ZFP64: variants seen among roughly 807,000 people sequenced by gnomAD.
ZFP64 encodes zinc finger protein 64.
Under a neutral mutation model 51.6 loss-of-function variants are expected in ZFP64, and 14 were observed. The ratio of observed to expected loss-of-function variants is 0.27; its 90% CI spans 0.18 to 0.42. The LOEUF is 0.42. ZFP64 is among the 10% of genes least tolerant of loss of function. The pLI, the probability that ZFP64 is intolerant of heterozygous loss-of-function variation, is 1.00. For synonymous variants in ZFP64, 375 were observed against 361.4 expected, an observed-to-expected ratio of 1.04 and a Z score of -0.43; for missense variants, 754 against 906.8, an observed-to-expected ratio of 0.83 and a Z score of 2.16.
downstream of ZFP64, among the ~76,000 whole-genome samples, chr20:52,148,266 T>C (rs917430131): frequency 6.6e-6 from 1 of 152,202 alleles, no homozygotes; most frequent in African/African-American, 2.4e-5. Flanking sequence ...GAATCTCAGA[T>C]CTATAATCTT....
intron 5 of ZFP64, chr20:52,105,297 C>A: frequency 7.9e-7 from 1 of 1,265,634 alleles, no homozygotes; most frequent in Non-Finnish European, 9.9e-7. Flanking sequence ...ACAACGAATT[C>A]CCGGAGTTCG....
At chr20:52,111,249 G>C (rs1978560745) in intron 5 of ZFP64, among the ~76,000 whole-genome samples, 2 of 119,270 alleles carry the variant, frequency 1.7e-5, no homozygotes, top group Non-Finnish European at 3.2e-5. Context: ...TCTGAGTTTT[G>C]CTCGTTGCCC....
chr20:52,085,288 C>T lies in ZFP64; in HGVS notation c.1229-22G>A, dbSNP rs1316560903. 1 of 1,585,558 alleles carries T rather than the reference C, an allele frequency of 6.3e-7. No homozygotes were observed. Among genetic ancestry groups the T allele is most frequent in the South Asian group, 1.2e-5 (1 of 86,202 alleles). On this transcript the variant is annotated intron_variant, in intron 8 of 8. Transcript: ENST00000361387. This position sits in a 1 kb window ranked among gnomAD's most constrained non-coding sequence, Gnocchi z 4.3. Reference sequence around the variant, plus strand: ...TCCCCTAGCAATGGAAGGTGTGTTTCCATTAGAACAGGCAGGCAAAACAGA... The same window carrying T: ...TCCCCTAGCAATGGAAGGTGTGTTTTCATTAGAACAGGCAGGCAAAACAGA...
intron 5 of ZFP64, among the ~76,000 whole-genome samples, chr20:52,157,312 A>G (rs1342479934): frequency 6.6e-6 from 1 of 152,210 alleles, no homozygotes; most frequent in Non-Finnish European, 1.5e-5. Context: ...AACTGTGGGT[A>G]TGGCTTTTGG....
chr20:52,138,620 T>C (rs938644122), intron 5 of ZFP64, among the ~76,000 whole-genome samples: 1 of 151,418 alleles, frequency 6.6e-6, no homozygotes, highest in Non-Finnish European at 1.5e-5. Context: ...CTACAAACTT[T>C]ATATGCATCA....
At chr20:52,140,225 A>G (rs1215561385) in intron 5 of ZFP64, among the ~76,000 whole-genome samples, 2 of 152,076 alleles carry the variant, frequency 1.3e-5, no homozygotes, top group Non-Finnish European at 2.9e-5. Context: ...TAACCCTACA[A>G]TGGCCTCTAA....
In ZFP64 at chr20:52,084,357, T is replaced by G. The variant is rs1044711788; in HGVS notation, c.*200A>C. 1.5e-4 allele frequency: 88 copies of G among 581,736 alleles called. No homozygotes were observed. In the Admixed American group the frequency reaches 1.6e-3, roughly 10 times the overall value. 36.0% of individuals were successfully genotyped at this position (581,736 alleles called of 1,614,324 possible). ...ATAATCCTTGGAGGGAAGAGACAAATGCGAGGAGTGTCTCCACAGCCCTGC... is the reference window on the plus strand; with the variant it reads ...ATAATCCTTGGAGGGAAGAGACAAAGGCGAGGAGTGTCTCCACAGCCCTGC... On this transcript the variant is annotated 3_prime_UTR_variant, in exon 9 of 9. Coordinates refer to the ZFP64 transcript ENST00000361387.
At chr20:52,101,332 G>GGGCAGGA (rs1350797381) in intron 5 of ZFP64, among the ~76,000 whole-genome samples, 1 of 152,080 alleles carries the variant, frequency 6.6e-6, no homozygotes, top group Non-Finnish European at 1.5e-5. Context: ...GCAGGAGGAG[G>GGGCAGGA]GGTGGTAGTG....
chr20:52,121,636 G>C (rs1194254565), intron 5 of ZFP64, among the ~76,000 whole-genome samples: 1 of 118,842 alleles, frequency 8.4e-6, no homozygotes, highest in Non-Finnish European at 1.9e-5. Context: ...AAAGTGCAAG[G>C]TGAAGCAGCA....
chr20:52,175,399 A>G (rs1983107097), intron 2 of ZFP64, among the ~76,000 whole-genome samples: 1 of 152,234 alleles, frequency 6.6e-6, no homozygotes, highest in South Asian at 2.1e-4. Flanking sequence ...CTGGGAGTCC[A>G]GGCAAGCGCC....
intron 2 of ZFP64, among the ~76,000 whole-genome samples, chr20:52,180,831 A>C (rs1983562851): frequency 6.6e-6 from 1 of 152,202 alleles, no homozygotes; most frequent in African/African-American, 2.4e-5. Flanking sequence ...CCAAGGTCAC[A>C]TGGTCAGCAA....
chr20:52,165,039 T>A (rs1472798308), intron 3 of ZFP64: 2 of 566,906 alleles, frequency 3.5e-6, no homozygotes, highest in Non-Finnish European at 6.7e-6. Context: ...TTTTCAAAAA[T>A]GTCAAGCTTA....
intron 8 of ZFP64, among the ~76,000 whole-genome samples, chr20:52,087,753 C>G (rs1289097841): frequency 3.3e-5 from 5 of 152,216 alleles, no homozygotes. Flanking sequence ...CCAGAGCCCT[C>G]AGGGCCCTTG....
chr20:52,145,695 A>G (rs548466578), intron 5 of ZFP64, among the ~76,000 whole-genome samples: 1 of 152,280 alleles, frequency 6.6e-6, no homozygotes, highest in African/African-American at 2.4e-5. Context: ...AAAGATAAAA[A>G]TATGGTGCAC....
Position 52,151,591 on chromosome 20 carries a change from C to T in ZFP64, c.*555G>A, listed in dbSNP as rs1413593085. On this transcript the variant is annotated 3_prime_UTR_variant, in exon 6 of 6. Coordinates refer to ENST00000216923, the MANE Select transcript of ZFP64 (RefSeq NM_018197.3). ...TACTTAATGCATTTAATTCCAACCC[C>T]TCATTGGAATCATCTTGGTAACATT... The T allele has an allele frequency of 1.0e-5, 10 of 986,096 alleles. No homozygotes were observed. The highest frequency in any genetic ancestry group is 1.2e-5 in the Non-Finnish European group (10 of 830,578). The allele number at this position is 986,096 out of a possible 1,614,324, so 61.1% of individuals were successfully genotyped here.
At position 52,168,154 on chromosome 20, in the gene ZFP64, T is replaced by C. The variant is rs369162806; in HGVS notation, c.287-2129A>G. Among the ~76,000 whole-genome samples, 28 of 152,326 alleles carry C rather than the reference T, an allele frequency of 1.8e-4. 1 individual carries two copies. Among genetic ancestry groups the C allele is most frequent in the Admixed American group, 1.1e-3 (17 of 15,302 alleles). On this transcript the variant is annotated intron_variant, in intron 2 of 5. Transcript: ENST00000216923. The stretch of plus-strand genomic sequence containing the variant: ...TCATATCACTCTGATACACCTCAAA[T>C]GATACCTTGGTGCTGTCAGCATTTG...
At chr20:52,169,967 C>A (rs1448089161) in intron 2 of ZFP64, among the ~76,000 whole-genome samples, 1 of 151,894 alleles carries the variant, frequency 6.6e-6, no homozygotes, top group African/African-American at 2.4e-5. Context: ...GCAGGAGAAT[C>A]GCTTGAACCT....
At chr20:52,176,772 G>A (rs1005684185) in intron 2 of ZFP64, among the ~76,000 whole-genome samples, 1 of 151,572 alleles carries the variant, frequency 6.6e-6, no homozygotes, top group Non-Finnish European at 1.5e-5. Flanking sequence ...GCCTCCCAAA[G>A]TGCTGGGATT....
At chr20:52,102,588 C>G (rs548004042) in intron 5 of ZFP64, among the ~76,000 whole-genome samples, 6 of 152,254 alleles carry the variant, frequency 3.9e-5, no homozygotes, top group African/African-American at 1.4e-4. Context: ...GAAGAGAAAA[C>G]CATTAAACTC....
Sources: gnomAD v4.1 joint callset for allele counts (sites outside exome capture counted in the v4.1 genomes callset) on GRCh38, gnomAD v4.1.1 for gene constraint, Gnocchi (gnomAD v3.1) non-coding constraint, MANE v1.5 for transcripts, NCBI Gene and HGNC (gene_info 2026-07-23, HGNC 2026-07-21) for gene names.